Variants in AKAP19 observed in about 807,000 individuals in gnomAD.
The protein encoded by AKAP19 is small A-kinase anchoring protein.
the AKAP19 span, among the ~76,000 whole-genome samples, chr2:189,903,085 G>T: frequency 6.6e-6 from 1 of 151,710 alleles, no homozygotes; most frequent in Admixed American, 6.6e-5. Flanking sequence ...TGAATTGAAA[G>T]CCATCGAGAA....
the AKAP19 span, chr2:190,062,356 A>C: frequency 2.5e-6 from 4 of 1,613,412 alleles, no homozygotes; most frequent in African/African-American, 4.0e-5. Context: ...GCTTTGGGTA[A>C]AAGTTGTCTT....
chr2:190,151,698 A>G, the AKAP19 span, among the ~76,000 whole-genome samples: 5 of 152,216 alleles, frequency 3.3e-5, no homozygotes, highest in Non-Finnish European at 7.3e-5. Flanking sequence ...ACTTTGATTT[A>G]TAGTTAGAAA....
chr2:189,940,161 T>C, the AKAP19 span, among the ~76,000 whole-genome samples: 4 of 151,560 alleles, frequency 2.6e-5, no homozygotes, highest in Non-Finnish European at 5.9e-5. Context: ...CCCCTGTAGT[T>C]CCAGCTACTT....
the AKAP19 span, among the ~76,000 whole-genome samples, chr2:190,170,050 T>A: frequency 0.37 from 56,867 of 152,090 alleles, 10,877 homozygotes; most frequent in Middle Eastern, 0.46. Context: ...GGGTGGGCTT[T>A]AACAATGGAA....
chr2:190,190,371 A>C, the AKAP19 span, among the ~76,000 whole-genome samples: 6 of 152,190 alleles, frequency 3.9e-5, no homozygotes, highest in East Asian at 1.2e-3. Context: ...GGTTTGACAT[A>C]CCAATAGTTC....
At chr2:189,999,914 G>A in the AKAP19 span, among the ~76,000 whole-genome samples, 2 of 152,196 alleles carry the variant, frequency 1.3e-5, no homozygotes, top group East Asian at 3.8e-4. Flanking sequence ...AACTAGTCTC[G>A]TTATATTCCG....
the AKAP19 span, among the ~76,000 whole-genome samples, chr2:190,187,597 C>T: frequency 6.6e-6 from 1 of 152,044 alleles, no homozygotes; most frequent in Non-Finnish European, 1.5e-5. Context: ...TGGTGGCTCA[C>T]ACCTATCATC....
At chr2:190,038,944 T>TTCTTCTTCTTCC in the AKAP19 span, among the ~76,000 whole-genome samples, 13 of 145,162 alleles carry the variant, frequency 9.0e-5, no homozygotes, top group African/African-American at 3.3e-4. Flanking sequence ...CTTCTTCTTC[T>TTCTTCTTCTTCC]TCTTCTTCTT....
the AKAP19 span, among the ~76,000 whole-genome samples, chr2:189,929,690 A>G: frequency 2.0e-5 from 3 of 152,186 alleles, no homozygotes; most frequent in Non-Finnish European, 2.9e-5. Context: ...CTGGTTTTCA[A>G]GCATAGAACT....
At chr2:190,124,431 G>C in the AKAP19 span, among the ~76,000 whole-genome samples, 3 of 152,216 alleles carry the variant, frequency 2.0e-5, no homozygotes, top group African/African-American at 7.2e-5. Flanking sequence ...TAATGCAGTG[G>C]TAAATATGTG....
chr2:190,173,902 C>T, the AKAP19 span, among the ~76,000 whole-genome samples: 2 of 152,134 alleles, frequency 1.3e-5, no homozygotes, highest in Non-Finnish European at 2.9e-5. Flanking sequence ...CTTTCTTGTT[C>T]TTTACGTCTT....
chr2:190,051,954 C>T, the AKAP19 span, among the ~76,000 whole-genome samples: 12 of 152,092 alleles, frequency 7.9e-5, no homozygotes, highest in African/African-American at 2.9e-4. Context: ...TCTCCTGCCT[C>T]AGCCTCCTCA....
At chr2:190,119,143 T>C in the AKAP19 span, among the ~76,000 whole-genome samples, 1 of 152,210 alleles carries the variant, frequency 6.6e-6, no homozygotes. Context: ...ACACCAGGGT[T>C]CTTGGTCTTC....
the AKAP19 span, chr2:189,923,804 A>T: frequency 6.2e-7 from 1 of 1,612,072 alleles, no homozygotes; most frequent in South Asian, 1.1e-5. Context: ...ACAAAGGGGC[A>T]TAAGTGGCTT....
At chr2:189,923,250 A>T in the AKAP19 span, 1 of 1,376,858 alleles carries the variant, frequency 7.3e-7, no homozygotes, top group South Asian at 1.3e-5. Flanking sequence ...TCTACGCAGA[A>T]CCCGGGAGTA....
chr2:190,194,047 T>C, the AKAP19 span, among the ~76,000 whole-genome samples: 7 of 152,228 alleles, frequency 4.6e-5, no homozygotes, highest in African/African-American at 1.7e-4. Context: ...CCATGGGTTA[T>C]TTAGAAATAT....
the AKAP19 span, chr2:190,056,617 A>T: frequency 6.6e-6 from 1 of 152,608 alleles, no homozygotes; most frequent in Non-Finnish European, 1.5e-5. Flanking sequence ...TGAAGAAAAG[A>T]GAAACTTACT....
At chr2:189,944,486 C>A in the AKAP19 span, among the ~76,000 whole-genome samples, 14 of 152,154 alleles carry the variant, frequency 9.2e-5, no homozygotes, top group African/African-American at 3.1e-4. Flanking sequence ...GTAAATTATC[C>A]CACCTCGGGT....
At chr2:189,909,207 AAT>A in the AKAP19 span, among the ~76,000 whole-genome samples, 2,862 of 151,666 alleles carry the variant, frequency 0.019, 100 homozygotes, top group African/African-American at 0.065. Flanking sequence ...ATTTGCATAT[AAT>A]ATATATATAT....
Sources: gnomAD v4.1 joint callset for allele counts (sites outside exome capture counted in the v4.1 genomes callset) on GRCh38, gnomAD v4.1.1 for gene constraint, MANE v1.5 for transcripts, NCBI Gene and HGNC (gene_info 2026-07-23, HGNC 2026-07-21) for gene names.